RANBP2: variants seen among roughly 807,000 people sequenced by gnomAD.
The protein encoded by RANBP2 is RAN binding protein 2.
A neutral mutation model predicts 303.6 loss-of-function variants in RANBP2; 57 were observed. That is an observed-to-expected ratio of 0.19 (90% CI 0.15 to 0.23). The LOEUF is 0.23. Ranked by LOEUF, RANBP2 falls within the 10% of genes least tolerant of loss-of-function variation. The pLI is 1.00. For missense variants in RANBP2, 3,138 were observed against 3,780.8 expected (o/e 0.83, Z 4.46); for synonymous variants, 1,167 against 1,301.5 (o/e 0.90, Z 2.23).
chr2:108,907,318 A>C, the RANBP2 span, among the ~76,000 whole-genome samples: 1 of 151,852 alleles, frequency 6.6e-6, no homozygotes, highest in Admixed American at 6.6e-5. Flanking sequence ...CTCCTTGCTT[A>C]TTATTTTTCG....
At chr2:109,620,468 G>A in the RANBP2 span, among the ~76,000 whole-genome samples, 5 of 152,190 alleles carry the variant, frequency 3.3e-5, no homozygotes, top group Admixed American at 2.0e-4. Flanking sequence ...TTGGGAGGCC[G>A]AGGCAGGAGC....
the RANBP2 span, among the ~76,000 whole-genome samples, chr2:109,375,525 G>T: frequency 6.6e-6 from 1 of 152,178 alleles, no homozygotes; most frequent in Admixed American, 6.5e-5. Context: ...ACACTCCACC[G>T]GGCCTTCCTT....
At chr2:108,949,688 A>C in the RANBP2 span, among the ~76,000 whole-genome samples, 1 of 152,164 alleles carries the variant, frequency 6.6e-6, no homozygotes, top group Non-Finnish European at 1.5e-5. Flanking sequence ...CTAATCATCC[A>C]ACCAGAGAGG....
the RANBP2 span, among the ~76,000 whole-genome samples, chr2:109,595,290 G>A: frequency 9.9e-5 from 15 of 152,250 alleles, no homozygotes; most frequent in Admixed American, 7.2e-4. Flanking sequence ...GGGACACAAC[G>A]GTTCTGATTG....
At chr2:108,735,073 C>CTGT (rs1489752606) in intron 4 of RANBP2, among the ~76,000 whole-genome samples, 3 of 149,612 alleles carry the variant, frequency 2.0e-5, no homozygotes, top group Non-Finnish European at 4.5e-5. Flanking sequence ...TGAGATGATA[C>CTGT]TGTCTTCATT....
the RANBP2 span, among the ~76,000 whole-genome samples, chr2:109,334,398 C>A: frequency 1.3e-5 from 2 of 150,712 alleles, no homozygotes; most frequent in Non-Finnish European, 3.0e-5. Flanking sequence ...AAATAAAGAC[C>A]ACCTCATCAT....
At chr2:109,056,632 C>A in the RANBP2 span, among the ~76,000 whole-genome samples, 9 of 152,146 alleles carry the variant, frequency 5.9e-5, no homozygotes, top group Admixed American at 5.9e-4. Context: ...GATGGCTTTT[C>A]GAGGATTTAG....
At chr2:108,895,989 C>CACATTATA in the RANBP2 span, 1 of 152,236 alleles carries the variant, frequency 6.6e-6, no homozygotes, top group Non-Finnish European at 1.5e-5. Context: ...CACAGCCTGA[C>CACATTATA]ACATTATAAT....
chr2:108,735,114 G>A (rs1193445536), intron 4 of RANBP2, among the ~76,000 whole-genome samples: 1 of 152,220 alleles, frequency 6.6e-6, no homozygotes, highest in African/African-American at 2.4e-5. Flanking sequence ...AGTGCTTTGA[G>A]ATGGTGATGA....
At chr2:108,860,615 C>T in the RANBP2 span, among the ~76,000 whole-genome samples, 3 of 151,262 alleles carry the variant, frequency 2.0e-5, no homozygotes, top group South Asian at 4.2e-4. Flanking sequence ...TACTGATTTG[C>T]GTATATTGAA....
intron 1 of RANBP2, 66 bp from the exon 2 acceptor site, chr2:108,729,066 T>A (rs1273118540): frequency 1.3e-6 from 2 of 1,509,346 alleles, no homozygotes; most frequent in African/African-American, 2.8e-5. Flanking sequence ...AGATTTTTAC[T>A]ACTTTTGAAA....
At chr2:109,136,938 CA>C in the RANBP2 span, among the ~76,000 whole-genome samples, 1 of 152,250 alleles carries the variant, frequency 6.6e-6, no homozygotes, top group East Asian at 1.9e-4. Context: ...TACCCTGGTT[CA>C]AGGAATGGGA....
chr2:109,076,422 A>C, the RANBP2 span, among the ~76,000 whole-genome samples: 1 of 145,564 alleles, frequency 6.9e-6, no homozygotes, highest in African/African-American at 2.5e-5. Context: ...CAGATAAATT[A>C]GATAGGAAAA....
the RANBP2 span, among the ~76,000 whole-genome samples, chr2:109,048,881 C>T: frequency 6.6e-6 from 1 of 152,140 alleles, no homozygotes; most frequent in Admixed American, 6.5e-5. Flanking sequence ...AGTTAATGAA[C>T]CTGAAAAATG....
the RANBP2 span, among the ~76,000 whole-genome samples, chr2:108,862,081 T>TG: frequency 1.5e-4 from 22 of 151,388 alleles, no homozygotes; most frequent in Admixed American, 2.6e-4. Context: ...ATTTCAGTTT[T>TG]TTTTTTTTTT....
chr2:108,906,575 C>T, the RANBP2 span, among the ~76,000 whole-genome samples: 6 of 152,180 alleles, frequency 3.9e-5, no homozygotes, highest in Non-Finnish European at 8.8e-5. Context: ...GGGTCTACCA[C>T]GGGTGCGTCT....
chr2:109,078,288 A>G, the RANBP2 span, among the ~76,000 whole-genome samples: 39 of 126,536 alleles, frequency 3.1e-4, 4 homozygotes, highest in African/African-American at 1.0e-3. Flanking sequence ...ATATATATAT[A>G]TATATATATA....
chr2:109,517,720 A>C, the RANBP2 span, among the ~76,000 whole-genome samples: 1 of 152,128 alleles, frequency 6.6e-6, no homozygotes, highest in Non-Finnish European at 1.5e-5. Flanking sequence ...CTGATCCCAC[A>C]GGGCTGGGTG....
At chr2:108,891,475 G>A in the RANBP2 span, among the ~76,000 whole-genome samples, 2 of 152,218 alleles carry the variant, frequency 1.3e-5, no homozygotes, top group African/African-American at 4.8e-5. Flanking sequence ...CTGGGTTAGG[G>A]TGAAGTTATT....
Sources: allele counts gnomAD v4.1 joint callset (sites outside exome capture counted in the v4.1 genomes callset), GRCh38; gene constraint gnomAD v4.1.1; transcripts MANE v1.5; gene names NCBI Gene and HGNC (gene_info 2026-07-23, HGNC 2026-07-21).